Variants in SNRPN observed in about 807,000 individuals in gnomAD.
The protein encoded by SNRPN is small nuclear ribonucleoprotein polypeptide N.
SNRPN carries 7 observed loss-of-function variants against 25.2 expected under a neutral mutation model. That is an observed-to-expected ratio of 0.28 (90% CI 0.16 to 0.52). SNRPN has a LOEUF of 0.52. Among genes scored for constraint, SNRPN ranks in the 20% least tolerant of loss-of-function variants. SNRPN has a pLI of 0.96. For missense variants in SNRPN, 196 were observed against 322.5 expected (o/e 0.61, Z 3.00); for synonymous variants, 124 against 110.6 (o/e 1.12, Z -0.76).
upstream of SNRPN, chr15:24,954,910 C>A: frequency 7.8e-7 from 1 of 1,281,004 alleles, no homozygotes; most frequent in Non-Finnish European, 1.1e-6. Context: ...CACGCCTGCG[C>A]GGCCGCAGAG....
intron 2 of SNRPN, among the ~76,000 whole-genome samples, chr15:24,965,848 C>G (rs1016480124): frequency 4.0e-5 from 6 of 151,600 alleles, no homozygotes; most frequent in Admixed American, 3.3e-4. Context: ...AATTATCTTA[C>G]GTTTCAAGAT....
intron 2 of SNRPN, among the ~76,000 whole-genome samples, chr15:24,845,106 CAT>C (rs965927685): frequency 5.9e-5 from 9 of 152,146 alleles, no homozygotes; most frequent in African/African-American, 1.4e-4. Context: ...TTCCGTGGCA[CAT>C]GAGTCAAAAA....
upstream of SNRPN, among the ~76,000 whole-genome samples, chr15:24,853,583 C>T (rs142803268): frequency 1.9e-3 from 295 of 152,154 alleles, 4 homozygotes; most frequent in African/African-American, 6.7e-3. Flanking sequence ...TTAGTGGAGA[C>T]GGGGTTTCAC....
At position 24,837,659 on chromosome 15, in the gene SNRPN, A is replaced by G. The variant is rs138794598; in HGVS notation, c.-579+7754A>G. 8.3e-4 allele frequency among the ~76,000 whole-genome samples: 125 copies of G among 151,446 alleles called. No individual in the cohort carries two copies. In the East Asian group the frequency reaches 0.01, roughly 12 times the overall value. ...GCTGGGATTACAGGCGTGAGCCACC[A>G]TGCCCGGCTTGGGGGGCTACTGATT... On this transcript the variant is annotated intron_variant, in intron 2 of 12. Coordinates refer to the SNRPN transcript ENST00000400100.
At chr15:24,839,166 C>T (rs761227889) in intron 2 of SNRPN, among the ~76,000 whole-genome samples, 4 of 151,908 alleles carry the variant, frequency 2.6e-5, no homozygotes, top group Admixed American at 6.6e-5. Context: ...ATAGAAGTAC[C>T]GCCTCCTGAG....
At chr15:24,919,721 T>C (rs1405769937) in intron 2 of SNRPN, among the ~76,000 whole-genome samples, 2 of 152,238 alleles carry the variant, frequency 1.3e-5, no homozygotes, top group East Asian at 3.9e-4. Context: ...ATGAACCTGG[T>C]AAGATATTAA....
chr15:24,957,089 T>C (rs2063057727), intron 1 of SNRPN, among the ~76,000 whole-genome samples: 1 of 152,250 alleles, frequency 6.6e-6, no homozygotes, highest in Non-Finnish European at 1.5e-5. Context: ...TAACCCCTTT[T>C]TTTTAACTCC....
At chr15:24,950,834 C>T (rs1304382588), upstream of SNRPN, among the ~76,000 whole-genome samples, 1 of 151,154 alleles carries the variant, frequency 6.6e-6, no homozygotes, top group African/African-American at 2.4e-5. Context: ...AGGCTTGAGC[C>T]CCTGTGCCCG....
At chr15:24,941,201 T>C (rs914742540) in intron 3 of SNRPN, among the ~76,000 whole-genome samples, 8 of 152,324 alleles carry the variant, frequency 5.3e-5, no homozygotes, top group Middle Eastern at 6.8e-3. Flanking sequence ...GGTCTTGAAC[T>C]CCTGAGCTCA....
At chr15:24,955,797 ATGGCGGTGGTGGACTT>A (rs1395368223) in intron 1 of SNRPN, among the ~76,000 whole-genome samples, 9 of 150,314 alleles carry the variant, frequency 6.0e-5, no homozygotes, top group African/African-American at 1.7e-4. Context: ...GCGGGTAGGC[ATGGCGGTGGTGGACTT>A]TGGCGGCGGT....
At chr15:24,926,064 G>A (rs1016410742) in intron 3 of SNRPN, among the ~76,000 whole-genome samples, 2 of 151,968 alleles carry the variant, frequency 1.3e-5, no homozygotes, top group African/African-American at 2.4e-5. Context: ...TGTAGAGATG[G>A]GATCTAACTA....
upstream of SNRPN, among the ~76,000 whole-genome samples, chr15:24,950,341 T>C (rs1183005125): frequency 6.6e-6 from 1 of 151,604 alleles, no homozygotes; most frequent in Non-Finnish European, 1.5e-5. Context: ...CACACCCGGC[T>C]AATTTTTGTA....
At chr15:24,885,688 G>A (rs2057126662) in intron 1 of SNRPN, among the ~76,000 whole-genome samples, 2 of 150,348 alleles carry the variant, frequency 1.3e-5, no homozygotes, top group Admixed American at 1.3e-4. Context: ...TGATGAGAAC[G>A]AAGGATTTTC....
chr15:24,932,140 G>T (rs2060913075), intron 3 of SNRPN, among the ~76,000 whole-genome samples: 1 of 152,224 alleles, frequency 6.6e-6, no homozygotes, highest in South Asian at 2.1e-4. Flanking sequence ...GGCTATTTAA[G>T]GGGGATACAG....
At chr15:24,864,399 A>C (rs1457082188) in intron 1 of SNRPN, among the ~76,000 whole-genome samples, 1 of 124,406 alleles carries the variant, frequency 8.0e-6, no homozygotes, top group Non-Finnish European at 1.7e-5. Flanking sequence ...GCTAGAATAC[A>C]ATGGCGCAAT....
At chr15:24,854,858 G>T (rs2053234104), upstream of SNRPN, among the ~76,000 whole-genome samples, 2 of 152,024 alleles carry the variant, frequency 1.3e-5, no homozygotes, top group African/African-American at 4.8e-5. Flanking sequence ...AATTTAGCTG[G>T]GTGTGGTGAT....
chr15:24,955,192 T>G (rs1566948827), intron 1 of SNRPN, 130 bp downstream of exon 1: 5 of 1,251,960 alleles, frequency 4.0e-6, no homozygotes, highest in Non-Finnish European at 5.7e-6. Flanking sequence ...TCCTTTGTTC[T>G]GGAGAACCAG....
chr15:24,839,247 G>C (rs907814624), intron 2 of SNRPN, among the ~76,000 whole-genome samples: 2 of 152,008 alleles, frequency 1.3e-5, no homozygotes, highest in African/African-American at 4.8e-5. Context: ...TTGGCTTGCA[G>C]ATGACAGGGT....
chr15:24,919,087 A>G lies in SNRPN; in HGVS notation c.-504-924A>G, dbSNP rs559667362. Reference sequence around the variant, plus strand: ...TATATAACATAATATATATGTGCGCATATATATATAACATAGCCGTTTGGT... The same window carrying G: ...TATATAACATAATATATATGTGCGCGTATATATATAACATAGCCGTTTGGT... On this transcript the variant is annotated intron_variant, in intron 2 of 11. Coordinates refer to the SNRPN transcript ENST00000400097. Among the ~76,000 whole-genome samples the G allele has an allele frequency of 1.5e-4, 21 of 141,726 alleles. 2 individuals are homozygous for G. The highest frequency in any genetic ancestry group is 2.7e-4 in the Non-Finnish European group (17 of 63,828). 93.0% of individuals were successfully genotyped at this position (141,726 alleles called of 152,430 possible). A position where few individuals can be genotyped will look rare whatever the true frequency, so the allele number is the denominator to read the frequency against.
Sources: allele counts gnomAD v4.1 joint callset (sites outside exome capture counted in the v4.1 genomes callset), GRCh38; gene constraint gnomAD v4.1.1; transcripts MANE v1.5; gene names NCBI Gene and HGNC (gene_info 2026-07-23, HGNC 2026-07-21).